The following SLC12A7 variants were observed in gnomAD, a reference collection of about 807,000 sequenced individuals.
The protein encoded by SLC12A7 is solute carrier family 12 member 7.
SLC12A7 carries 100 observed loss-of-function variants against 120.6 expected under a neutral mutation model. That is an observed-to-expected ratio of 0.83 (90% confidence interval 0.71 to 0.98). The LOEUF (loss-of-function observed/expected upper bound fraction) is 0.98, where lower values mean the gene tolerates loss of function less well. Among genes scored for constraint, SLC12A7 ranks in the 50% least tolerant of loss-of-function variants. The pLI is 0.00. For missense variants in SLC12A7, 1,373 were observed against 1,548.1 expected, an observed-to-expected ratio of 0.89 and a Z score of 1.90; for synonymous variants, 760 against 678.0, an observed-to-expected ratio of 1.12 and a Z score of -1.88.
At position 1,087,033 on chromosome 5, in the gene SLC12A7, G is replaced by C; in HGVS notation, c.545C>G (p.Ala182Gly). The change falls in exon 6 of 24, where the codon GCT becomes GGT. Residue 182 changes from alanine (A) to glycine (G), a missense_variant and splice_region_variant. Transcript: ENST00000264930. ...SAIATNGVVP[A>G]GGSYYMISRS... is the part of the protein sequence containing the mutation. ...CGATATCATGTAGTAGGACCCGCCA[G>C]CTGCGGAGACAAAGGCGGCAGCCGC... is the stretch of plus-strand genomic sequence containing the variant. The C allele has an allele frequency of 1.2e-6, 2 of 1,610,468 alleles. No homozygotes were observed. Among genetic ancestry groups the C allele is most frequent in the Non-Finnish European group, 1.7e-6 (2 of 1,178,406 alleles).
chr5:1,151,179 C>G, the SLC12A7 span, among the ~76,000 whole-genome samples: 2 of 152,252 alleles, frequency 1.3e-5, no homozygotes, highest in Admixed American at 1.3e-4. This position sits in a 1 kb window ranked among gnomAD's most constrained non-coding sequence, Gnocchi z 6.2. Flanking sequence ...TGCAAAGGCG[C>G]CTTCTACCAT....
intron 14 of SLC12A7, among the ~76,000 whole-genome samples, 171 bp from the exon 15 acceptor site, chr5:1,075,661 C>G (rs757049584): frequency 6.6e-6 from 1 of 152,220 alleles, no homozygotes; most frequent in Non-Finnish European, 1.5e-5. Flanking sequence ...TGAGGGGTGA[C>G]GTGGCTCCCT....
At position 1,073,797 on chromosome 5, in the gene SLC12A7, G is replaced by A; in HGVS notation, c.2077C>T (p.Gln693Ter). The A allele has an allele frequency of 7.1e-7, 1 of 1,416,352 alleles. No individual in the cohort carries two copies. The highest frequency in any genetic ancestry group is 9.3e-7 in the Non-Finnish European group (1 of 1,077,540). The allele number at this position is 1,416,352 out of a possible 1,614,324, so 87.7% of individuals were successfully genotyped here. A position where few individuals can be genotyped will look rare whatever the true frequency, so the allele number is the denominator to read the frequency against. Residue 693 changes from glutamine (Q) to a stop codon, truncating the protein, a stop_gained, in exon 17 of 24, where the codon CAG becomes TAG. Coordinates refer to ENST00000264930, the MANE Select transcript of SLC12A7 (RefSeq NM_006598.3). LOFTEE classifies it high-confidence loss of function. ...TCCAGGTTCAGCATCACCAGCACCT[G>A]GGGCCTGCAGCCAGGGTGGGGCGGC... is the stretch of plus-strand genomic sequence containing the variant. ...GPPHTKNWRP[Q>*]VLVMLNLDAE... is the part of the protein sequence containing the mutation.
the SLC12A7 span, among the ~76,000 whole-genome samples, chr5:1,126,902 G>A: frequency 2.0e-5 from 3 of 152,220 alleles, no homozygotes; most frequent in African/African-American, 4.8e-5. Context: ...ATATGTTGAA[G>A]TTCTAACACA....
chr5:1,112,373 T>G (rs2150916673), upstream of SLC12A7, among the ~76,000 whole-genome samples: 2 of 65,482 alleles, frequency 3.1e-5, no homozygotes, highest in East Asian at 5.9e-4. Context: ...CCTCCCCTCT[T>G]GTCCCCTTCC....
In SLC12A7 at chr5:1,093,629, C is replaced by A. The variant is rs752912988; in HGVS notation, c.246G>T (p.Val82=). The change falls in exon 3 of 24, where the codon GTG becomes GTT. Residue 82 remains valine (V), a synonymous_variant. Coordinates refer to ENST00000264930, the MANE Select transcript of SLC12A7 (RefSeq NM_006598.3). Reference sequence around the variant, plus strand: ...TGGCCAGCTTGTTGAGCAGCGAGGACACCATGGGGTTACTGTCCATCTCCT... The same window carrying A: ...TGGCCAGCTTGTTGAGCAGCGAGGAAACCATGGGGTTACTGTCCATCTCCT... ...FEEEMDSNPM[V]SSLLNKLANY... 6.2e-7 allele frequency: 1 copy of A among 1,613,168 alleles called. No homozygotes were observed. Among genetic ancestry groups the A allele is most frequent in the Admixed American group, 1.7e-5 (1 of 60,016 alleles).
chr5:1,089,870 G>A (rs1740298816), intron 3 of SLC12A7, among the ~76,000 whole-genome samples: 2 of 151,622 alleles, frequency 1.3e-5, no homozygotes, highest in Admixed American at 1.3e-4. Context: ...CCAGGCTGGG[G>A]TAGAAGTTTC....
At chr5:1,056,466 T>C (rs908777216) in intron 22 of SLC12A7, 6 of 399,072 alleles carry the variant, frequency 1.5e-5, no homozygotes, top group African/African-American at 1.3e-4. Context: ...CAAGCCACCG[T>C]GCACGGGGCA....
At chr5:1,122,206 G>C in the SLC12A7 span, among the ~76,000 whole-genome samples, 2,020 of 152,282 alleles carry the variant, frequency 0.013, 22 homozygotes, top group Middle Eastern at 0.1. Context: ...CTGCCCTTGC[G>C]CATGGGCCTC....
intron 4 of SLC12A7, among the ~76,000 whole-genome samples, chr5:1,088,736 C>A (rs1405336368): frequency 6.6e-6 from 1 of 152,222 alleles, no homozygotes; most frequent in Admixed American, 6.5e-5. Flanking sequence ...GGTGCCAGCA[C>A]GCCAGTCAAC....
At chr5:1,078,805 C>T (rs1364991265) in intron 10 of SLC12A7, 47 bp from the exon 11 acceptor site, 3 of 312,294 alleles carry the variant, frequency 9.6e-6, no homozygotes, top group African/African-American at 1.2e-4. Context: ...GCAGGGTCCT[C>T]AGGTACGGGG....
chr5:1,120,060 C>G, the SLC12A7 span, among the ~76,000 whole-genome samples: 50 of 152,244 alleles, frequency 3.3e-4, no homozygotes, highest in Non-Finnish European at 6.0e-4. Context: ...CTGAATTTCA[C>G]CCCCAGAGTG....
intron 17 of SLC12A7, among the ~76,000 whole-genome samples, chr5:1,069,758 C>A (rs1391262030): frequency 6.6e-6 from 1 of 152,208 alleles, no homozygotes; most frequent in Non-Finnish European, 1.5e-5. Context: ...ACCCCACAGG[C>A]TTTCATCGTG....
Position 1,089,115 on chromosome 5 carries a change from C to T in SLC12A7, c.356G>A (p.Gly119Asp), listed in dbSNP as rs199588289. The T allele has an allele frequency of 6.2e-7, 1 of 1,612,686 alleles. No individual in the cohort carries two copies. The highest frequency in any genetic ancestry group is 8.5e-7 in the Non-Finnish European group (1 of 1,179,958). ...CGGCAGGTAGACGCCGATGAAGGTG[C>T]CCATGCGCGGAGCCTGCGACAGAGC... is the stretch of plus-strand genomic sequence containing the variant. ...RRREAKAPRM[G>D]TFIGVYLPCL... Residue 119 changes from glycine (G) to aspartate (D), a missense_variant, in exon 4 of 24, where the codon GGC (glycine) becomes GAC (aspartate). Physicochemically the swap from Gly to Asp is moderately conservative, Grantham distance 94. Transcript: ENST00000264930.
At chr5:1,121,556 C>T in the SLC12A7 span, among the ~76,000 whole-genome samples, 1 of 152,218 alleles carries the variant, frequency 6.6e-6, no homozygotes, top group Non-Finnish European at 1.5e-5. Context: ...CATTGGTGGG[C>T]ACAGGAAGGA....
At chr5:1,119,365 C>T in the SLC12A7 span, among the ~76,000 whole-genome samples, 6 of 152,326 alleles carry the variant, frequency 3.9e-5, no homozygotes, top group South Asian at 2.1e-4. Flanking sequence ...GTGAGGACCC[C>T]GTGATCCCAC....
chr5:1,123,334 C>T, the SLC12A7 span, among the ~76,000 whole-genome samples: 1 of 152,042 alleles, frequency 6.6e-6, no homozygotes, highest in Non-Finnish European at 1.5e-5. Context: ...ACCCCGGCTC[C>T]GAGGAGGGGA....
chr5:1,062,062 G>A (rs1308374610), intron 20 of SLC12A7, among the ~76,000 whole-genome samples: 3 of 152,214 alleles, frequency 2.0e-5, no homozygotes, highest in Non-Finnish European at 4.4e-5. Context: ...AGCCCTGCCA[G>A]AGACATGGCT....
chr5:1,115,715 C>T (rs1001216706), upstream of SLC12A7, among the ~76,000 whole-genome samples: 1 of 152,076 alleles, frequency 6.6e-6, no homozygotes, highest in African/African-American at 2.4e-5. Flanking sequence ...ACCAGAAAGC[C>T]ACCCGCCTTC....
Sources: allele counts gnomAD v4.1 joint callset (sites outside exome capture counted in the v4.1 genomes callset), GRCh38; gene constraint gnomAD v4.1.1; non-coding constraint Gnocchi (gnomAD v3.1); transcripts MANE v1.5; gene names NCBI Gene and HGNC (gene_info 2026-07-23, HGNC 2026-07-21).